CNKSR3: variants seen among roughly 807,000 people sequenced by gnomAD.
CNKSR3 encodes connector enhancer of kinase suppressor of ras 3.
CNKSR3 carries 36 observed loss-of-function variants against 67.7 expected under a neutral mutation model. The ratio of observed to expected loss-of-function variants is 0.53; its 90% CI spans 0.41 to 0.70. The LOEUF is 0.70. Among genes scored for constraint, CNKSR3 ranks in the 30% least tolerant of loss-of-function variants. The pLI is 0.00. For synonymous variants in CNKSR3, 281 were observed against 271.4 expected, an observed-to-expected ratio of 1.04 and a Z score of -0.35; for missense variants, 630 against 695.2, an observed-to-expected ratio of 0.91 and a Z score of 1.05.
intron 1 of CNKSR3, among the ~76,000 whole-genome samples, chr6:154,502,358 A>AT (rs541089259): frequency 0.25 from 35,432 of 141,224 alleles, 4,367 homozygotes; most frequent in Middle Eastern, 0.31. Context: ...TGCCCAGCTA[A>AT]TTTTTTTTTT....
intron 7 of CNKSR3, 65 bp downstream of exon 7, chr6:154,428,063 A>C: frequency 1.9e-6 from 2 of 1,046,964 alleles, no homozygotes; most frequent in Non-Finnish European, 3.0e-6. Context: ...TTCAAAGTAT[A>C]GAGACTGTGG....
Position 154,470,117 on chromosome 6 carries a change from C to T in CNKSR3, c.53-19859G>A, listed in dbSNP as rs550855411. 1.1e-4 allele frequency among the ~76,000 whole-genome samples: 16 copies of T among 150,724 alleles called. No homozygotes were observed. The South Asian group carries it at 3.1e-3, about 30-fold the overall frequency. ...ACATTTCCATCACCCCAAAAAGAAA[C>T]CCTACCCACGAGCCATCATTCTTTA... On this transcript the variant is annotated intron_variant, in intron 1 of 12. Transcript: ENST00000607772.
At chr6:154,460,458 C>T (rs6557356) in intron 1 of CNKSR3, among the ~76,000 whole-genome samples, 105,376 of 152,050 alleles carry the variant, frequency 0.69, 37,040 homozygotes, top group African/African-American at 0.81. Flanking sequence ...AAATGAGAGA[C>T]TCTAAAGACA....
intron 11 of CNKSR3, 77 bp downstream of exon 11, chr6:154,410,857 A>G (rs968441944): frequency 1.5e-5 from 17 of 1,152,396 alleles, no homozygotes; most frequent in Admixed American, 8.6e-5. Flanking sequence ...AATTCATCCA[A>G]CAGTTCCAAC....
intron 1 of CNKSR3, among the ~76,000 whole-genome samples, chr6:154,491,939 A>T (rs1235932430): frequency 6.6e-6 from 1 of 152,216 alleles, no homozygotes; most frequent in Non-Finnish European, 1.5e-5. Context: ...AGCTGTGTGC[A>T]TTGAGGGAGG....
intron 10 of CNKSR3, among the ~76,000 whole-genome samples, chr6:154,412,270 C>T (rs1784926528): frequency 1.3e-5 from 2 of 152,216 alleles, no homozygotes; most frequent in Non-Finnish European, 2.9e-5. Context: ...GCTTTCATGA[C>T]TCATGACTTG....
At chr6:154,450,422 A>G (rs112128871) in intron 1 of CNKSR3, among the ~76,000 whole-genome samples, 164 bp from the exon 2 acceptor site, 185 of 152,284 alleles carry the variant, frequency 1.2e-3, no homozygotes, top group African/African-American at 4.2e-3. Flanking sequence ...TTTGCATGAC[A>G]TGTCAAACAG....
intron 1 of CNKSR3, among the ~76,000 whole-genome samples, chr6:154,452,848 G>A (rs187521962): frequency 9.0e-4 from 137 of 152,316 alleles, no homozygotes; most frequent in African/African-American, 3.2e-3. Flanking sequence ...GTAAACCAAG[G>A]AGAGAGGCCT....
intron 1 of CNKSR3, among the ~76,000 whole-genome samples, chr6:154,453,889 A>G (rs996137691): frequency 1.3e-5 from 2 of 152,152 alleles, no homozygotes; most frequent in Non-Finnish European, 2.9e-5. Flanking sequence ...CAGGACCAAG[A>G]GAAACACACA....
At chr6:154,441,478 A>G (rs951432251) in intron 3 of CNKSR3, 99 bp from the exon 4 acceptor site, 6 of 850,720 alleles carry the variant, frequency 7.1e-6, no homozygotes, top group African/African-American at 6.9e-5. Flanking sequence ...GCTACTCTAA[A>G]TTCCTTTTTG....
chr6:154,454,742 G>A (rs924196673), intron 1 of CNKSR3, among the ~76,000 whole-genome samples: 1 of 151,640 alleles, frequency 6.6e-6, no homozygotes, highest in Non-Finnish European at 1.5e-5. Context: ...GGCTGGTCTT[G>A]AACTCCTGGG....
rs180676100 is a variant in CNKSR3 at position 154,487,233 on chromosome 6, C to T, written c.52+22830G>A. On this transcript the variant is annotated intron_variant, in intron 1 of 12. Coordinates refer to ENST00000607772, the MANE Select transcript of CNKSR3 (RefSeq NM_173515.4). ...GTTTGATTTGAGATTGAAACTACCC[C>T]GTTGGAAGATGTGATTTTTTTTTCC... 7.5e-3 allele frequency among the ~76,000 whole-genome samples: 1,142 copies of T among 152,256 alleles called. 12 individuals carry two copies. Among genetic ancestry groups the T allele is most frequent in the African/African-American group, 0.026 (1,079 of 41,542 alleles).
intron 4 of CNKSR3, among the ~76,000 whole-genome samples, chr6:154,434,297 A>T (rs1482254001): frequency 2.0e-5 from 3 of 152,216 alleles, no homozygotes; most frequent in Non-Finnish European, 4.4e-5. Context: ...AAAGGATTTC[A>T]ACCTATACTG....
chr6:154,442,053 C>A (rs747254973), intron 3 of CNKSR3, 35 bp downstream of exon 3: 10 of 1,555,360 alleles, frequency 6.4e-6, no homozygotes, highest in Non-Finnish European at 7.0e-6. Flanking sequence ...TCTATCTACT[C>A]TTGCAGGGCA....
rs1055033389 is a variant in CNKSR3 at position 154,443,540 on chromosome 6, G to T, written c.217-1250C>A. On this transcript the variant is annotated intron_variant, in intron 2 of 12. Coordinates refer to ENST00000607772, the MANE Select transcript of CNKSR3 (RefSeq NM_173515.4). ...GTTTGTGGCCTTCTTCCTCCACTGG[G>T]ACGTGAGGGCTGCAGAAGCAGGGCT... is the stretch of plus-strand genomic sequence containing the variant. 1.1e-4 allele frequency among the ~76,000 whole-genome samples: 16 copies of T among 151,926 alleles called. 1 individual carries two copies. The highest frequency in any genetic ancestry group is 2.0e-4 in the Admixed American group (3 of 15,218).
chr6:154,499,602 C>T (rs979078499), intron 1 of CNKSR3, among the ~76,000 whole-genome samples: 2 of 152,158 alleles, frequency 1.3e-5, no homozygotes, highest in African/African-American at 4.8e-5. Flanking sequence ...TTTCTCTATT[C>T]CACGGTGCCA....
At chr6:154,428,450 C>T (rs755287211) in intron 6 of CNKSR3, among the ~76,000 whole-genome samples, 15 of 152,160 alleles carry the variant, frequency 9.9e-5, no homozygotes, top group African/African-American at 3.6e-4. Flanking sequence ...GCCACAACTC[C>T]GAGGATGTGG....
At chr6:154,492,328 T>A (rs1445055621) in intron 1 of CNKSR3, among the ~76,000 whole-genome samples, 1 of 148,448 alleles carries the variant, frequency 6.7e-6, no homozygotes. Flanking sequence ...CTCACTCACT[T>A]GGTGAGGTCA....
chr6:154,501,462 C>A (rs1786992030), intron 1 of CNKSR3, among the ~76,000 whole-genome samples: 1 of 152,170 alleles, frequency 6.6e-6, no homozygotes, highest in Non-Finnish European at 1.5e-5. Flanking sequence ...CTCTCACCTG[C>A]TCTTCACCCA....
Sources: allele counts gnomAD v4.1 joint callset (sites outside exome capture counted in the v4.1 genomes callset), GRCh38; gene constraint gnomAD v4.1.1; transcripts MANE v1.5; gene names NCBI Gene and HGNC (gene_info 2026-07-23, HGNC 2026-07-21).